DDX42: variants seen among roughly 807,000 people sequenced by gnomAD.
The protein encoded by DDX42 is ATP-dependent RNA helicase DDX42.
In DDX42, 22 loss-of-function variants were observed where a neutral mutation model predicts 101.5. That is an observed-to-expected ratio of 0.22 (90% CI 0.15 to 0.31). The LOEUF is 0.31. DDX42 is among the 10% of genes least tolerant of loss of function. The probability of loss-of-function intolerance (pLI) is 1.00; values close to 1 mark genes in which losing one functional copy is unlikely to be tolerated. For synonymous variants in DDX42, 402 were observed against 401.2 expected (o/e 1.00, Z -0.02); for missense variants, 849 against 1,199.9 (o/e 0.71, Z 4.32).
At chr17:63,815,858 G>A in intron 16 of DDX42, 185 bp downstream of exon 16, 1 of 344,560 alleles carries the variant, frequency 2.9e-6, no homozygotes, top group Non-Finnish European at 5.3e-6. Flanking sequence ...TATTGAAGAA[G>A]CATCTTTGTG....
chr17:63,788,466 C>T (rs1436051735), intron 2 of DDX42, among the ~76,000 whole-genome samples: 1 of 151,408 alleles, frequency 6.6e-6, no homozygotes, highest in Non-Finnish European at 1.5e-5. Flanking sequence ...GCCACCATGC[C>T]CAGCTAATTT....
rs2039799796 is a variant in DDX42 at position 63,803,564 on chromosome 17, T to C, written c.622-1507T>C. Among the ~76,000 whole-genome samples the C allele has an allele frequency of 3.7e-5, 4 of 107,016 alleles. No individual in the cohort carries two copies. The South Asian group carries it at 1.0e-3, about 28-fold the overall frequency. The allele number at this position is 107,016 out of a possible 152,430, so 70.2% of individuals were successfully genotyped here. ...GCCTGGGAGACAGAGCAAGACTCCA[T>C]CTCAAAAAAAAAAAAAAAAAAAGGT... On this transcript the variant is annotated intron_variant, in intron 6 of 17. Coordinates refer to ENST00000389924, the MANE Select transcript of DDX42 (RefSeq NM_203499.3).
chr17:63,798,102 A>G lies in DDX42; in HGVS notation c.434+3A>G, dbSNP rs774015735. 1.9e-6 allele frequency: 3 copies of G among 1,613,268 alleles called. No individual in the cohort carries two copies. Among genetic ancestry groups the G allele is most frequent in the Middle Eastern group, 1.7e-4 (1 of 6,056 alleles). The stretch of plus-strand genomic sequence containing the variant: ...GACAAGGAAAGAAAAAACGTAAAGT[A>G]AGTTGTTTTCTTCTCCCTCACAAAG... On this transcript the variant is annotated splice_donor_region_variant and intron_variant, in intron 4 of 17. Coordinates refer to ENST00000389924, the MANE Select transcript of DDX42 (RefSeq NM_203499.3).
intron 1 of DDX42, among the ~76,000 whole-genome samples, chr17:63,785,543 G>T (rs1378521826): frequency 1.3e-5 from 2 of 151,508 alleles, no homozygotes; most frequent in Admixed American, 6.6e-5. Flanking sequence ...GAGAGGGGGG[G>T]GTCTCTTGAG....
intron 1 of DDX42, among the ~76,000 whole-genome samples, chr17:63,777,099 G>A (rs537158301): frequency 6.6e-6 from 1 of 152,164 alleles, no homozygotes; most frequent in Non-Finnish European, 1.5e-5. Context: ...TGTAAAGACA[G>A]GGTTTTATTG....
chr17:63,796,269 G>A (rs1284827591), intron 3 of DDX42, among the ~76,000 whole-genome samples: 1 of 152,152 alleles, frequency 6.6e-6, no homozygotes, highest in African/African-American at 2.4e-5. Flanking sequence ...CTTTCTGAGT[G>A]ACAGTATCCG....
intron 2 of DDX42, among the ~76,000 whole-genome samples, chr17:63,790,372 C>T (rs1045396577): frequency 1.3e-5 from 2 of 152,122 alleles, no homozygotes; most frequent in Non-Finnish European, 2.9e-5. Context: ...CGTCTGTAAT[C>T]CCAGCACTTT....
chr17:63,802,608 GT>G (rs1247432659), intron 6 of DDX42, among the ~76,000 whole-genome samples: 2 of 151,932 alleles, frequency 1.3e-5, no homozygotes, highest in Non-Finnish European at 2.9e-5. Flanking sequence ...TCTAAATTTT[GT>G]TTTTTAATAA....
intron 1 of DDX42, among the ~76,000 whole-genome samples, chr17:63,780,300 AAC>A (rs1357664755): frequency 1.4e-4 from 10 of 72,452 alleles, no homozygotes; most frequent in African/African-American, 1.1e-3. Context: ...GTCTCAAAAA[AAC>A]AAAAAAAAAA....
intron 5 of DDX42, 128 bp downstream of exon 5, chr17:63,799,753 C>T: frequency 1.1e-6 from 1 of 924,906 alleles, no homozygotes; most frequent in East Asian, 2.5e-5. Context: ...ATTTGATTTG[C>T]TCCTTTTGTA....
At chr17:63,800,685 G>A in intron 6 of DDX42, 68 bp downstream of exon 6, 1 of 1,564,402 alleles carries the variant, frequency 6.4e-7, no homozygotes, top group Non-Finnish European at 8.7e-7. Context: ...TTAACATTTA[G>A]ATTTTCTCAG....
At chr17:63,816,809 T>C in intron 16 of DDX42, 59 bp from the exon 17 acceptor site, 1 of 1,400,674 alleles carries the variant, frequency 7.1e-7, no homozygotes, top group East Asian at 2.4e-5. Context: ...AGGCCTAGTC[T>C]ATAGCAGTGA....
rs3760254 is a variant in DDX42, at chr17:63,774,391, T to G, written c.-17+15T>G. 0.5 allele frequency: 109,422 copies of G among 218,088 alleles called. 39,120 individuals carry two copies. The highest frequency in any genetic ancestry group is 0.89 in the African/African-American group (37,462 of 41,978). The allele number at this position is 218,088 out of a possible 1,614,324, so 13.5% of individuals were successfully genotyped here. A position where few individuals can be genotyped will look rare whatever the true frequency, so the allele number is the denominator to read the frequency against. On this transcript the variant is annotated intron_variant, in intron 1 of 17. Coordinates refer to ENST00000389924, the MANE Select transcript of DDX42 (RefSeq NM_203499.3). ...CATAGCAGCAGGTTTGTGCGTGGGG[T>G]TTCTGGACGCAAGGCCGCCAGTCCT...
Position 63,787,290 on chromosome 17 carries a change from A to T in DDX42, c.221+20A>T. The T allele has an allele frequency of 6.2e-7, 1 of 1,611,526 alleles. No homozygotes were observed. On this transcript the variant is annotated intron_variant, in intron 2 of 17. Transcript: ENST00000389924. Reference sequence around the variant, plus strand: ...AAATGCGTAAGTGGTAATTCCTGGTAGTGTAGCAAAGTTTGGACTTTGATA... The same window carrying T: ...AAATGCGTAAGTGGTAATTCCTGGTTGTGTAGCAAAGTTTGGACTTTGATA...
chr17:63,775,900 T>C (rs148475473), intron 1 of DDX42: 1 of 152,362 alleles, frequency 6.6e-6, no homozygotes, highest in East Asian at 1.9e-4. Flanking sequence ...GATAGTCATA[T>C]AATCAGCTCT....
intron 1 of DDX42, chr17:63,775,176 G>A (rs1249876999): frequency 2.6e-5 from 4 of 152,652 alleles, no homozygotes; most frequent in Non-Finnish European, 5.9e-5. Context: ...TGGCACATAA[G>A]AGGTGAGCAA....
intron 5 of DDX42, 160 bp from the exon 6 acceptor site, chr17:63,800,306 AAT>A (rs3833115): frequency 0.26 from 151,644 of 591,554 alleles, 21,018 homozygotes; most frequent in African/African-American, 0.37. Context: ...TGTTCTTCTG[AAT>A]ATTGCTATTA....
intron 3 of DDX42, among the ~76,000 whole-genome samples, chr17:63,797,399 C>T (rs927963171): frequency 1.4e-5 from 2 of 145,182 alleles, no homozygotes; most frequent in African/African-American, 5.0e-5. Context: ...GTAAAAACTA[C>T]ACACATTTAA....
At chr17:63,792,586 A>C in intron 3 of DDX42, 24 bp downstream of exon 3, 2 of 1,597,052 alleles carry the variant, frequency 1.3e-6, no homozygotes, top group Middle Eastern at 1.7e-4. Context: ...TGTTTCATTA[A>C]AATATTTAGC....
Sources: gnomAD v4.1 joint callset for allele counts (sites outside exome capture counted in the v4.1 genomes callset) on GRCh38, gnomAD v4.1.1 for gene constraint, MANE v1.5 for transcripts, NCBI Gene and HGNC (gene_info 2026-07-23, HGNC 2026-07-21) for gene names.